SGCZ: variants seen among roughly 807,000 people sequenced by gnomAD.
The protein encoded by SGCZ is zeta-sarcoglycan.
Under a neutral mutation model 41.3 loss-of-function variants are expected in SGCZ, and 40 were observed. That is an observed-to-expected ratio of 0.97 (90% CI 0.75 to 1.26). The LOEUF is 1.26. Ranked by LOEUF, SGCZ falls within the 50% of genes most tolerant of loss-of-function variation. The pLI, the probability that SGCZ is intolerant of heterozygous loss-of-function variation, is 0.00. For synonymous variants in SGCZ, 206 were observed against 137.5 expected, an observed-to-expected ratio of 1.50 and a Z score of -3.49; for missense variants, 552 against 369.8, an observed-to-expected ratio of 1.49 and a Z score of -4.04.
At chr8:14,573,761 A>G (rs951587989) in intron 1 of SGCZ, among the ~76,000 whole-genome samples, 1 of 152,204 alleles carries the variant, frequency 6.6e-6, no homozygotes, top group Non-Finnish European at 1.5e-5. Context: ...AACGAATAGT[A>G]TAAGTAGTAT....
intron 4 of SGCZ, among the ~76,000 whole-genome samples, chr8:14,192,869 G>A (rs1487550289): frequency 6.6e-6 from 1 of 152,054 alleles, no homozygotes; most frequent in Non-Finnish European, 1.5e-5. Context: ...GAAATAATCA[G>A]TGCAGTATTT....
intron 1 of SGCZ, among the ~76,000 whole-genome samples, chr8:15,041,070 T>C (rs1364955556): frequency 6.6e-6 from 1 of 151,964 alleles, no homozygotes; most frequent in Non-Finnish European, 1.5e-5. Flanking sequence ...ATATTTTTAA[T>C]ATAATACTAA....
intron 2 of SGCZ, among the ~76,000 whole-genome samples, chr8:14,460,815 A>G (rs1397209970): frequency 1.3e-5 from 2 of 152,162 alleles, no homozygotes; most frequent in Non-Finnish European, 2.9e-5. Context: ...TTTGTATTCA[A>G]TTTAGATACT....
intron 1 of SGCZ, among the ~76,000 whole-genome samples, chr8:14,959,313 A>G (rs912476354): frequency 1.3e-5 from 2 of 152,112 alleles, no homozygotes; most frequent in East Asian, 1.9e-4. Context: ...TTTATAACTG[A>G]TGATATGCTT....
chr8:14,331,216 T>C (rs1033744402), intron 2 of SGCZ, among the ~76,000 whole-genome samples: 2 of 151,984 alleles, frequency 1.3e-5, no homozygotes, highest in African/African-American at 4.8e-5. Flanking sequence ...AGAATGGAAA[T>C]ATTAAATTGT....
chr8:14,614,050 A>C (rs1445722936), intron 1 of SGCZ, among the ~76,000 whole-genome samples: 1 of 152,114 alleles, frequency 6.6e-6, no homozygotes, highest in Admixed American at 6.6e-5. Context: ...GGCCGCTCAC[A>C]CTCATTTGAA....
intron 6 of SGCZ, among the ~76,000 whole-genome samples, chr8:14,107,840 G>T (rs1347493507): frequency 7.9e-5 from 12 of 151,946 alleles, no homozygotes; most frequent in Admixed American, 7.9e-4. Context: ...TAGAGACAGG[G>T]TCTCACTATG....
chr8:14,849,904 A>G (rs868179384), intron 1 of SGCZ, among the ~76,000 whole-genome samples: 2 of 152,176 alleles, frequency 1.3e-5, no homozygotes, highest in African/African-American at 2.4e-5. Flanking sequence ...AAAAAGCAAA[A>G]TGTCTCTTTT....
chr8:14,620,711 G>C (rs1806256809), intron 1 of SGCZ, among the ~76,000 whole-genome samples: 1 of 152,220 alleles, frequency 6.6e-6, no homozygotes, highest in African/African-American at 2.4e-5. Flanking sequence ...CTTGCCATCA[G>C]AGAAATGCAA....
intron 1 of SGCZ, among the ~76,000 whole-genome samples, chr8:14,658,144 A>C (rs920737611): frequency 5.3e-5 from 8 of 152,190 alleles, no homozygotes; most frequent in African/African-American, 1.9e-4. Flanking sequence ...TCCTCCTCTC[A>C]GATGATGACA....
At chr8:14,309,128 C>T in intron 3 of SGCZ, 2 of 1,465,702 alleles carry the variant, frequency 1.4e-6, no homozygotes, top group South Asian at 2.3e-5. Flanking sequence ...TATTAAACAT[C>T]CCCTACAGAA....
intron 1 of SGCZ, among the ~76,000 whole-genome samples, chr8:14,702,770 T>C (rs1213977046): frequency 3.6e-5 from 5 of 139,052 alleles, no homozygotes; most frequent in Admixed American, 2.2e-4. Context: ...GATAGATAGA[T>C]AGATAGATAG....
intron 1 of SGCZ, among the ~76,000 whole-genome samples, chr8:15,209,904 T>C (rs1161352408): frequency 6.6e-6 from 1 of 152,230 alleles, no homozygotes; most frequent in African/African-American, 2.4e-5. Flanking sequence ...GGTTTAGTTA[T>C]GAGCATAGGA....
intron 2 of SGCZ, among the ~76,000 whole-genome samples, chr8:14,460,577 T>C (rs1295766306): frequency 6.6e-6 from 1 of 152,100 alleles, no homozygotes; most frequent in Non-Finnish European, 1.5e-5. Context: ...CATAGAAAGA[T>C]GTGCATAATA....
At chr8:14,583,337 C>T (rs1242451013) in intron 1 of SGCZ, among the ~76,000 whole-genome samples, 4 of 152,044 alleles carry the variant, frequency 2.6e-5, no homozygotes, top group Non-Finnish European at 4.4e-5. Flanking sequence ...ATGTCCTTCG[C>T]CCACTTTTTG....
intron 4 of SGCZ, among the ~76,000 whole-genome samples, chr8:14,177,206 G>A (rs908787114): frequency 4.6e-5 from 7 of 152,062 alleles, no homozygotes; most frequent in African/African-American, 1.7e-4. Flanking sequence ...TGCCAGTGGG[G>A]ACTGGGCACC....
At chr8:15,146,953 A>T (rs1799052341) in intron 1 of SGCZ, among the ~76,000 whole-genome samples, 1 of 152,194 alleles carries the variant, frequency 6.6e-6, no homozygotes, top group Non-Finnish European at 1.5e-5. Context: ...GATGCCCACA[A>T]AAGTAAAATG....
chr8:14,846,370 T>A (rs981761513), intron 1 of SGCZ, among the ~76,000 whole-genome samples: 1 of 151,674 alleles, frequency 6.6e-6, no homozygotes, highest in African/African-American at 2.4e-5. Context: ...AAACTTAATA[T>A]ATACAATTAA....
At chr8:14,721,442 G>C (rs191844519) in intron 1 of SGCZ, among the ~76,000 whole-genome samples, 2 of 152,276 alleles carry the variant, frequency 1.3e-5, no homozygotes, top group Admixed American at 6.5e-5. Flanking sequence ...TACCATGCCA[G>C]TAAAGGCAAC....
Sources: allele counts gnomAD v4.1 joint callset (sites outside exome capture counted in the v4.1 genomes callset), GRCh38; gene constraint gnomAD v4.1.1; transcripts MANE v1.5; gene names NCBI Gene and HGNC (gene_info 2026-07-23, HGNC 2026-07-21).